The following RNF180 variants were observed in gnomAD, a reference collection of about 807,000 sequenced individuals.
RNF180 encodes E3 ubiquitin-protein ligase RNF180.
Under a neutral mutation model 59.2 loss-of-function variants are expected in RNF180, and 38 were observed. The observed-to-expected ratio is 0.64, with a 90% CI of 0.50 to 0.84. RNF180 has a LOEUF of 0.84. RNF180 is among the 40% of genes least tolerant of loss of function. The pLI is 0.00. For missense variants in RNF180, 705 were observed against 700.9 expected (o/e 1.01, Z -0.07); for synonymous variants, 262 against 240.3 (o/e 1.09, Z -0.84).
chr5:64,319,394 GT>G (rs1744228427), intron 5 of RNF180, among the ~76,000 whole-genome samples: 2 of 151,998 alleles, frequency 1.3e-5, no homozygotes, highest in South Asian at 4.1e-4. Context: ...TTGTGTTAAT[GT>G]TTAATTTGCT....
chr5:64,229,693 C>T (rs1741995268), intron 5 of RNF180, among the ~76,000 whole-genome samples: 2 of 152,156 alleles, frequency 1.3e-5, no homozygotes, highest in Admixed American at 6.5e-5. Context: ...TTAGACACAT[C>T]GTTTATTCTG....
intron 5 of RNF180, among the ~76,000 whole-genome samples, chr5:64,292,114 G>T (rs1742623769): frequency 6.6e-6 from 1 of 152,070 alleles, no homozygotes; most frequent in African/African-American, 2.4e-5. Flanking sequence ...TTATCACCTT[G>T]TGAAGCCTGC....
chr5:64,197,265 T>C (rs1325252337), intron 1 of RNF180, among the ~76,000 whole-genome samples: 1 of 152,232 alleles, frequency 6.6e-6, no homozygotes, highest in Non-Finnish European at 1.5e-5. Flanking sequence ...TAAAGAATGT[T>C]ATTGAGAAGT....
intron 1 of RNF180, among the ~76,000 whole-genome samples, chr5:64,174,222 A>T (rs1478193483): frequency 2.0e-5 from 3 of 152,108 alleles, no homozygotes; most frequent in African/African-American, 7.2e-5. Flanking sequence ...GGACACTTAG[A>T]TTGATTCCAT....
At chr5:64,165,773 G>A (rs932609682), upstream of RNF180, 32 of 152,332 alleles carry the variant, frequency 2.1e-4, no homozygotes, top group Non-Finnish European at 4.0e-4. Context: ...CCGAGGCCGC[G>A]GGGTCGGGGC....
rs1273744174 is a variant in RNF180, at chr5:64,330,353, A to C, written c.1526A>C (p.Asn509Thr). Residue 509 changes from asparagine to threonine, a missense_variant, in exon 7 of 8, where the codon AAC (asparagine) becomes ACC (threonine). Coordinates refer to ENST00000389100, the MANE Select transcript of RNF180 (RefSeq NM_001113561.2). The stretch of plus-strand genomic sequence containing the variant: ...ATAAAACAAAGCTTTCAGAAATCCA[A>C]CTCTGCAAAATGGCCCCTACCAAGC... ...LKIKQSFQKSNSAKWPLPSCR... is the reference protein window; with the variant it reads ...LKIKQSFQKSTSAKWPLPSCR... The C allele has an allele frequency of 1.3e-6, 2 of 1,546,022 alleles. No homozygotes were observed. The highest frequency in any genetic ancestry group is 1.2e-5 in the South Asian group (1 of 82,120).
intron 5 of RNF180, among the ~76,000 whole-genome samples, chr5:64,220,087 C>T (rs2056091630): frequency 6.6e-6 from 1 of 152,012 alleles, no homozygotes; most frequent in Admixed American, 6.6e-5. Context: ...AACCTCTTTT[C>T]AATCCTGATA....
At chr5:64,342,022 A>T (rs1745372291) in intron 7 of RNF180, among the ~76,000 whole-genome samples, 1 of 152,102 alleles carries the variant, frequency 6.6e-6, no homozygotes, top group Non-Finnish European at 1.5e-5. Context: ...GATGAATGTG[A>T]CCTGATTCTG....
chr5:64,226,217 G>T (rs902178837), intron 5 of RNF180, among the ~76,000 whole-genome samples: 2 of 152,062 alleles, frequency 1.3e-5, no homozygotes, highest in Non-Finnish European at 2.9e-5. Context: ...CGGTTTTGTC[G>T]AAAAGAAAAG....
Position 64,370,164 on chromosome 5 carries a change from A to C in RNF180, c.*350A>C, listed in dbSNP as rs1178527863. On this transcript the variant is annotated 3_prime_UTR_variant, in exon 8 of 8. Coordinates refer to ENST00000389100, the MANE Select transcript of RNF180 (RefSeq NM_001113561.2). Reference sequence around the variant, plus strand: ...TTAAAAATAGTAAAAATACAAAAAGAAATGATAATCTAGGTAGATATTATC... The same window carrying C: ...TTAAAAATAGTAAAAATACAAAAAGCAATGATAATCTAGGTAGATATTATC... 6.3e-6 allele frequency: 1 copy of C among 157,524 alleles called. No individual in the cohort carries two copies. Among genetic ancestry groups the C allele is most frequent in the Admixed American group, 6.4e-5 (1 of 15,542 alleles). 9.8% of individuals were successfully genotyped at this position (157,524 alleles called of 1,614,324 possible). A position where few individuals can be genotyped will look rare whatever the true frequency, so the allele number is the denominator to read the frequency against.
At chr5:64,183,731 A>T (rs942517350) in intron 1 of RNF180, among the ~76,000 whole-genome samples, 1 of 152,214 alleles carries the variant, frequency 6.6e-6, no homozygotes, top group African/African-American at 2.4e-5. Flanking sequence ...TACAGGCGTG[A>T]GCCACTGTTC....
chr5:64,274,077 A>G (rs1432591784), intron 5 of RNF180, among the ~76,000 whole-genome samples: 1 of 152,038 alleles, frequency 6.6e-6, no homozygotes, highest in Non-Finnish European at 1.5e-5. Flanking sequence ...ATGATTTTTT[A>G]AAAATTATTT....
At chr5:64,273,965 G>A (rs1741575661) in intron 5 of RNF180, among the ~76,000 whole-genome samples, 1 of 151,990 alleles carries the variant, frequency 6.6e-6, no homozygotes, top group African/African-American at 2.4e-5. Context: ...GTTGAGAACT[G>A]CCAATCTAAA....
intron 5 of RNF180, among the ~76,000 whole-genome samples, chr5:64,307,787 G>A (rs2112472767): frequency 6.6e-6 from 1 of 151,814 alleles, no homozygotes. Flanking sequence ...TGCACAGAAT[G>A]TGAAAAACGG....
intron 1 of RNF180, among the ~76,000 whole-genome samples, chr5:64,170,703 A>G (rs938979097): frequency 9.2e-5 from 14 of 152,140 alleles, no homozygotes; most frequent in Non-Finnish European, 1.5e-5. Flanking sequence ...GGTTAACCTG[A>G]TTTTTTAAGG....
intron 2 of RNF180, among the ~76,000 whole-genome samples, chr5:64,204,103 C>T (rs1461310630): frequency 1.3e-5 from 2 of 152,074 alleles, no homozygotes; most frequent in East Asian, 3.8e-4. Context: ...GCTGTTTTTA[C>T]TCAGTATCAC....
At chr5:64,355,873 C>T (rs978442218) in intron 7 of RNF180, among the ~76,000 whole-genome samples, 1 of 151,680 alleles carries the variant, frequency 6.6e-6, no homozygotes, top group Non-Finnish European at 1.5e-5. Context: ...CCCCTTAACT[C>T]CAAGTTGATC....
At chr5:64,330,152 G>T (rs957076578) in intron 6 of RNF180, 129 bp from the exon 7 acceptor site, 10 of 672,692 alleles carry the variant, frequency 1.5e-5, no homozygotes, top group Non-Finnish European at 2.5e-5. Context: ...ATCTATTTTT[G>T]TCTTCACTGA....
At chr5:64,303,810 A>G (rs1380730425) in intron 5 of RNF180, among the ~76,000 whole-genome samples, 2 of 151,638 alleles carry the variant, frequency 1.3e-5, no homozygotes, top group Non-Finnish European at 3.0e-5. Flanking sequence ...GATGAAGGCA[A>G]CTAACTAAAC....
Sources: gnomAD v4.1 joint callset for allele counts (sites outside exome capture counted in the v4.1 genomes callset) on GRCh38, gnomAD v4.1.1 for gene constraint, MANE v1.5 for transcripts, NCBI Gene and HGNC (gene_info 2026-07-23, HGNC 2026-07-21) for gene names.